Variants in ITPR2 observed in about 807,000 individuals in gnomAD.
ITPR2 encodes inositol 1,4,5-trisphosphate-gated calcium channel ITPR2.
A neutral mutation model predicts 317.1 loss-of-function variants in ITPR2; 207 were observed. The ratio of observed to expected loss-of-function variants is 0.65; its 90% CI spans 0.58 to 0.73. The LOEUF is 0.73. ITPR2 is among the 30% of genes least tolerant of loss of function. The probability of loss-of-function intolerance (pLI) is 0.00; values close to 1 mark genes in which losing one functional copy is unlikely to be tolerated. For synonymous variants in ITPR2, 1,156 were observed against 1,149.1 expected, an observed-to-expected ratio of 1.01 and a Z score of -0.12; for missense variants, 2,613 against 3,284.0, an observed-to-expected ratio of 0.80 and a Z score of 4.99.
intron 34 of ITPR2, among the ~76,000 whole-genome samples, chr12:26,575,015 CAG>C (rs1945243994): frequency 6.6e-6 from 1 of 151,442 alleles, no homozygotes; most frequent in Non-Finnish European, 1.5e-5. Context: ...AACCATATCA[CAG>C]ACACTAAGAA....
intron 53 of ITPR2, 152 bp from the exon 54 acceptor site, chr12:26,399,193 G>A (rs933258165): frequency 5.8e-5 from 33 of 571,084 alleles, no homozygotes; most frequent in South Asian, 1.5e-4. Context: ...TCTACTTTAA[G>A]TGTTGTAAGA....
Position 26,695,638 on chromosome 12 carries a change from A to G in ITPR2, c.964T>C (p.Tyr322His). 1 of 1,612,732 alleles carries G rather than the reference A, an allele frequency of 6.2e-7. No individual in the cohort carries two copies. The highest frequency in any genetic ancestry group is 1.3e-5 in the African/African-American group (1 of 75,014). The change falls in exon 10 of 57, where the codon TAT becomes CAT. Residue 322 changes from tyrosine to histidine, a missense_variant. Physicochemically the swap from Tyr to His is moderately conservative, Grantham distance 83. Transcript: ENST00000381340. ...TTTCCTTCATTTTGGGCATCTCGAT[A>G]ATCAGGATTAAGCTAGAAAAACAAA... ...NYLAAELNPD[Y>H]RDAQNEGKNV...
intron 1 of ITPR2, among the ~76,000 whole-genome samples, chr12:26,821,473 T>C (rs1950936783): frequency 6.6e-6 from 1 of 152,324 alleles, no homozygotes; most frequent in South Asian, 2.1e-4. Flanking sequence ...AAAGAGTAGG[T>C]CCTGCTATTG....
At chr12:26,390,399 T>C (rs1334239910) in intron 54 of ITPR2, among the ~76,000 whole-genome samples, 1 of 152,198 alleles carries the variant, frequency 6.6e-6, no homozygotes, top group Non-Finnish European at 1.5e-5. Context: ...GGTATATCCA[T>C]ATGACAGGAT....
intron 15 of ITPR2, among the ~76,000 whole-genome samples, chr12:26,662,682 G>GT (rs1429559550): frequency 6.6e-6 from 1 of 152,120 alleles, no homozygotes; most frequent in Admixed American, 6.5e-5. Flanking sequence ...GTTTTGTTTT[G>GT]TTTTTTATGA....
At chr12:26,770,235 C>T (rs577864765) in intron 2 of ITPR2, among the ~76,000 whole-genome samples, 2 of 152,204 alleles carry the variant, frequency 1.3e-5, no homozygotes, top group Non-Finnish European at 2.9e-5. Flanking sequence ...TCTTCCCACA[C>T]AGGCAGCCTT....
intron 37 of ITPR2, among the ~76,000 whole-genome samples, chr12:26,539,545 C>T (rs769978484): frequency 1.3e-5 from 2 of 152,212 alleles, no homozygotes; most frequent in Admixed American, 1.3e-4. Flanking sequence ...GGGACAGAAG[C>T]CCCATGGCTG....
At position 26,669,196 on chromosome 12, in the gene ITPR2, C is replaced by A. The variant is rs559671523; in HGVS notation, c.1410-3145G>T. On this transcript the variant is annotated intron_variant, in intron 13 of 56. Coordinates refer to ENST00000381340, the MANE Select transcript of ITPR2 (RefSeq NM_002223.4). ...GAAGGAAAATTATTCTACATACATTCTAAAAATATTATTAATCTATAAGGC... is the reference window on the plus strand; with the variant it reads ...GAAGGAAAATTATTCTACATACATTATAAAAATATTATTAATCTATAAGGC... Among the ~76,000 whole-genome samples the A allele has an allele frequency of 4.6e-5, 7 of 151,478 alleles. No individual in the cohort carries two copies. The South Asian group carries it at 1.2e-3, about 27-fold the overall frequency.
intron 45 of ITPR2, among the ~76,000 whole-genome samples, chr12:26,465,509 T>G (rs1017804160): frequency 4.6e-5 from 7 of 152,104 alleles, no homozygotes; most frequent in Admixed American, 4.6e-4. Flanking sequence ...GGGCTAGAGG[T>G]TTTTTTAAAG....
At chr12:26,555,544 T>C (rs1005853384) in intron 36 of ITPR2, among the ~76,000 whole-genome samples, 1 of 152,208 alleles carries the variant, frequency 6.6e-6, no homozygotes, top group African/African-American at 2.4e-5. Context: ...CACAACTGCT[T>C]ATCCTTGCAC....
intron 55 of ITPR2, among the ~76,000 whole-genome samples, chr12:26,340,538 C>T (rs771656700): frequency 2.0e-5 from 3 of 152,128 alleles, no homozygotes; most frequent in East Asian, 1.9e-4. Flanking sequence ...AAACTTTATA[C>T]GGGCTTCCAG....
In ITPR2 at chr12:26,358,132, A is replaced by T; in HGVS notation, c.7858-17804T>A. Among the ~76,000 whole-genome samples, 2 of 6,748 alleles carry T rather than the reference A, an allele frequency of 3.0e-4. 1 individual carries two copies. The highest frequency in any genetic ancestry group is 3.2e-4 in the African/African-American group (2 of 6,302). The allele number at this position is 6,748 out of a possible 152,430, so 4.4% of individuals were successfully genotyped here. A position where few individuals can be genotyped will look rare whatever the true frequency, so the allele number is the denominator to read the frequency against. ...CCGGGCGCGGTGGCTCACGCCTGTA[A>T]TCCCAGCACTTTGGGAGGCCGAGGC... On this transcript the variant is annotated intron_variant, in intron 55 of 56. Transcript: ENST00000381340.
intron 32 of ITPR2, among the ~76,000 whole-genome samples, chr12:26,592,267 G>A (rs1158295244): frequency 6.6e-6 from 1 of 152,186 alleles, no homozygotes; most frequent in Non-Finnish European, 1.5e-5. Flanking sequence ...AGGGTAGTGG[G>A]GCAGAGGGGA....
chr12:26,502,516 A>C (rs1943092670), intron 37 of ITPR2, among the ~76,000 whole-genome samples: 1 of 152,246 alleles, frequency 6.6e-6, no homozygotes, highest in Non-Finnish European at 1.5e-5. Flanking sequence ...TACACAGTAT[A>C]AAAACCTACT....
intron 32 of ITPR2, among the ~76,000 whole-genome samples, chr12:26,586,940 T>G (rs1945545172): frequency 1.3e-5 from 2 of 152,072 alleles, no homozygotes; most frequent in Non-Finnish European, 2.9e-5. Flanking sequence ...TTTACTGTTT[T>G]GCTGTTTACA....
intron 1 of ITPR2, among the ~76,000 whole-genome samples, chr12:26,796,434 AAAGT>A (rs1246712316): frequency 7.9e-5 from 12 of 152,246 alleles, no homozygotes. Flanking sequence ...AAATTGGTAA[AAAGT>A]AAGGTAAGAA....
chr12:26,562,202 T>C (rs928989655), intron 34 of ITPR2, among the ~76,000 whole-genome samples: 1 of 152,224 alleles, frequency 6.6e-6, no homozygotes, highest in Non-Finnish European at 1.5e-5. Context: ...GAAATGTACT[T>C]TATACAGCAT....
At chr12:26,510,176 A>G (rs989780567) in intron 37 of ITPR2, among the ~76,000 whole-genome samples, 1 of 152,148 alleles carries the variant, frequency 6.6e-6, no homozygotes, top group African/African-American at 2.4e-5. Flanking sequence ...AACTAACCAT[A>G]TTGAATTATG....
chr12:26,620,895 A>G (rs1946476435), intron 26 of ITPR2, among the ~76,000 whole-genome samples: 1 of 152,182 alleles, frequency 6.6e-6, no homozygotes, highest in South Asian at 2.1e-4. Context: ...GGAAATGACA[A>G]AGAGTGAAAC....
Sources: allele counts gnomAD v4.1 joint callset (sites outside exome capture counted in the v4.1 genomes callset), GRCh38; gene constraint gnomAD v4.1.1; transcripts MANE v1.5; gene names NCBI Gene and HGNC (gene_info 2026-07-23, HGNC 2026-07-21).